The following LSAMP variants were observed in gnomAD, a reference collection of about 807,000 sequenced individuals.
LSAMP encodes the protein limbic system associated membrane protein, also known as limbic system-associated membrane protein.
A neutral mutation model predicts 38.6 loss-of-function variants in LSAMP; 7 were observed. That is an observed-to-expected ratio of 0.18 (90% CI 0.10 to 0.34). The LOEUF (loss-of-function observed/expected upper bound fraction) is 0.34. Ranked by LOEUF, LSAMP falls within the 10% of genes least tolerant of loss-of-function variation. The pLI, the probability that LSAMP is intolerant of heterozygous loss-of-function variation, is 1.00. For missense variants in LSAMP, 313 were observed against 420.0 expected (o/e 0.75, Z 2.23); for synonymous variants, 154 against 166.8 (o/e 0.92, Z 0.59).
intron 3 of LSAMP, among the ~76,000 whole-genome samples, chr3:115,975,200 G>C (rs1348605208): frequency 6.6e-6 from 1 of 152,022 alleles, no homozygotes. Context: ...CAGATGGATG[G>C]CTTGAACCCA....
At chr3:115,859,986 G>A (rs1196274390) in intron 3 of LSAMP, among the ~76,000 whole-genome samples, 1 of 152,170 alleles carries the variant, frequency 6.6e-6, no homozygotes, top group Non-Finnish European at 1.5e-5. Flanking sequence ...TTCTCTGAAG[G>A]GGATTGTACT....
At chr3:116,053,729 G>T (rs979166221) in intron 2 of LSAMP, among the ~76,000 whole-genome samples, 1 of 152,168 alleles carries the variant, frequency 6.6e-6, no homozygotes, top group Non-Finnish European at 1.5e-5. Context: ...TGAATGTCAG[G>T]CTGAAGTGTG....
intron 1 of LSAMP, among the ~76,000 whole-genome samples, chr3:116,409,899 G>T (rs566145732): frequency 1.3e-5 from 2 of 151,998 alleles, no homozygotes; most frequent in African/African-American, 4.8e-5. Context: ...TTATTGGCAC[G>T]TTTAGAGCCA....
chr3:116,093,686 T>G (rs2107438041), intron 1 of LSAMP, among the ~76,000 whole-genome samples: 1 of 152,334 alleles, frequency 6.6e-6, no homozygotes, highest in Non-Finnish European at 1.5e-5. Flanking sequence ...TTGATTTTTT[T>G]TAAGAAAATT....
rs1181856455 is a variant in LSAMP at position 115,805,572 on chromosome 3, A to C, written c.*4745T>G. On this transcript the variant is annotated 3_prime_UTR_variant, in exon 7 of 7. Coordinates refer to ENST00000490035, the MANE Select transcript of LSAMP (RefSeq NM_002338.5). ...ATGTGCTCAAAAGAAATCAAGGTTT[A>C]AAATAAGTTTTCCATAATATTCATA... 1 of 152,212 alleles carries C rather than the reference A, an allele frequency of 6.6e-6. No homozygotes were observed. The allele number at this position is 152,212 out of a possible 1,614,324, so 9.4% of individuals were successfully genotyped here. A position where few individuals can be genotyped will look rare whatever the true frequency, so the allele number is the denominator to read the frequency against.
chr3:116,445,114 G>A lies in LSAMP; in HGVS notation c.-83C>T, dbSNP rs997748803. On this transcript the variant is annotated 5_prime_UTR_variant, in exon 1 of 7. Transcript: ENST00000490035. ...CGAGGAGAGGCTTCACCAACACGGGGCTTTCATCCACAGCGAGCGCAGAGC... is the reference window on the plus strand; with the variant it reads ...CGAGGAGAGGCTTCACCAACACGGGACTTTCATCCACAGCGAGCGCAGAGC... 6 of 1,406,524 alleles carry A rather than the reference G, an allele frequency of 4.3e-6. No individual in the cohort carries two copies. Among genetic ancestry groups the A allele is most frequent in the South Asian group, 4.0e-5 (3 of 74,306 alleles). The allele number at this position is 1,406,524 out of a possible 1,614,324, so 87.1% of individuals were successfully genotyped here.
At chr3:116,254,775 G>A (rs993886935) in intron 1 of LSAMP, among the ~76,000 whole-genome samples, 1 of 152,136 alleles carries the variant, frequency 6.6e-6, no homozygotes, top group African/African-American at 2.4e-5. Flanking sequence ...GTATTTCCCA[G>A]AATCTCAGAT....
At chr3:116,154,585 A>G (rs1709696270) in intron 1 of LSAMP, among the ~76,000 whole-genome samples, 1 of 152,246 alleles carries the variant, frequency 6.6e-6, no homozygotes, top group South Asian at 2.1e-4. Context: ...TAAATTCTTT[A>G]GCCTCACCTA....
chr3:116,319,741 C>T (rs750474395), intron 1 of LSAMP, among the ~76,000 whole-genome samples: 5 of 151,310 alleles, frequency 3.3e-5, no homozygotes, highest in Non-Finnish European at 5.9e-5. Flanking sequence ...TAAATGCTCG[C>T]TTTTTATTAA....
intron 1 of LSAMP, among the ~76,000 whole-genome samples, chr3:116,345,509 T>C (rs926297004): frequency 1.3e-5 from 2 of 152,104 alleles, no homozygotes; most frequent in Admixed American, 6.6e-5. Context: ...ATGGCAATCA[T>C]TGGAATGGTA....
chr3:116,072,277 C>T (rs1386170733), intron 2 of LSAMP, among the ~76,000 whole-genome samples: 2 of 152,014 alleles, frequency 1.3e-5, no homozygotes, highest in Non-Finnish European at 2.9e-5. Context: ...GCCCCGCCAG[C>T]ATATTTTCTT....
intron 3 of LSAMP, among the ~76,000 whole-genome samples, chr3:115,854,957 T>G (rs969048627): frequency 1.3e-5 from 2 of 152,236 alleles, no homozygotes; most frequent in African/African-American, 4.8e-5. Context: ...TAGTTAATAA[T>G]AATTTCAGAA....
chr3:116,083,865 G>A (rs1451503042), intron 2 of LSAMP, among the ~76,000 whole-genome samples: 1 of 152,174 alleles, frequency 6.6e-6, no homozygotes, highest in Non-Finnish European at 1.5e-5. Context: ...AATGCCCCAA[G>A]GGGAAGTGAT....
Position 116,336,178 on chromosome 3 carries a change from A to G in LSAMP, c.155+108699T>C, listed in dbSNP as rs180860854. Among the ~76,000 whole-genome samples, 13 of 152,168 alleles carry G rather than the reference A, an allele frequency of 8.5e-5. No individual in the cohort carries two copies. The East Asian group carries it at 2.5e-3, about 29-fold the overall frequency. Reference sequence around the variant, plus strand: ...AGGTCTTAGCAAAAAACATAGGACAAAAACTTCACAACATTGGATTTGGCA... The same window carrying G: ...AGGTCTTAGCAAAAAACATAGGACAGAAACTTCACAACATTGGATTTGGCA... On this transcript the variant is annotated intron_variant, in intron 1 of 6. Coordinates refer to ENST00000490035, the MANE Select transcript of LSAMP (RefSeq NM_002338.5).
rs185918458 is a variant in LSAMP, at chr3:116,432,219, G to C, written c.155+12658C>G. ...ACAAATTAATTAGGTTCCTATTAAAGTGTGACGTGACCCAAGTTCAAAGTA... is the reference window on the plus strand; with the variant it reads ...ACAAATTAATTAGGTTCCTATTAAACTGTGACGTGACCCAAGTTCAAAGTA... On this transcript the variant is annotated intron_variant, in intron 1 of 6. Transcript: ENST00000490035. Among the ~76,000 whole-genome samples, 273 of 151,972 alleles carry C rather than the reference G, an allele frequency of 1.8e-3. 2 individuals are homozygous for C. The highest frequency in any genetic ancestry group is 6.1e-3 in the African/African-American group (253 of 41,516).
At chr3:116,105,734 A>G (rs1011945587) in intron 1 of LSAMP, among the ~76,000 whole-genome samples, 4 of 152,036 alleles carry the variant, frequency 2.6e-5, no homozygotes, top group South Asian at 2.1e-4. Flanking sequence ...CCATCTGGGC[A>G]TATACGTGCA....
chr3:116,189,833 C>T (rs1193781787), intron 1 of LSAMP, among the ~76,000 whole-genome samples: 1 of 151,936 alleles, frequency 6.6e-6, no homozygotes, highest in Non-Finnish European at 1.5e-5. Flanking sequence ...AGTGGGAACA[C>T]AAATAAGTTG....
intron 1 of LSAMP, among the ~76,000 whole-genome samples, chr3:116,280,504 T>TTCAA (rs1559811430): frequency 1.3e-5 from 2 of 152,248 alleles, no homozygotes; most frequent in Admixed American, 6.5e-5. Context: ...CGGGTCAGGA[T>TTCAA]TCAATCAACT....
At chr3:116,138,813 C>A (rs78243330) in intron 1 of LSAMP, among the ~76,000 whole-genome samples, 1 of 136,508 alleles carries the variant, frequency 7.3e-6, no homozygotes, top group African/African-American at 2.6e-5. Context: ...TCTTACCTTA[C>A]GTAAATTGAC....
Sources: gnomAD v4.1 joint callset for allele counts (sites outside exome capture counted in the v4.1 genomes callset) on GRCh38, gnomAD v4.1.1 for gene constraint, MANE v1.5 for transcripts, NCBI Gene and HGNC (gene_info 2026-07-23, HGNC 2026-07-21) for gene names.